The following NDST4 variants were observed in gnomAD, a reference collection of about 807,000 sequenced individuals.
NDST4 encodes the protein N-deacetylase and N-sulfotransferase 4.
NDST4 carries 63 observed loss-of-function variants against 100.8 expected under a neutral mutation model. The ratio of observed to expected loss-of-function variants is 0.62; its 90% CI spans 0.51 to 0.77. NDST4 has a LOEUF of 0.77. Ranked by LOEUF, NDST4 falls within the 30% of genes least tolerant of loss-of-function variation. The pLI is 0.00. For synonymous variants in NDST4, 377 were observed against 361.8 expected (o/e 1.04, Z -0.48); for missense variants, 943 against 1,018.4 (o/e 0.93, Z 1.01).
chr4:114,859,221 C>T (rs545985713), intron 7 of NDST4, among the ~76,000 whole-genome samples: 1 of 152,304 alleles, frequency 6.6e-6, no homozygotes, highest in Non-Finnish European at 1.5e-5. Context: ...ATCACTGCTG[C>T]TACTTCCTCC....
At chr4:114,919,058 C>G (rs1725236311) in intron 6 of NDST4, among the ~76,000 whole-genome samples, 2 of 152,126 alleles carry the variant, frequency 1.3e-5, no homozygotes, top group African/African-American at 4.8e-5. Flanking sequence ...AAACAATGAT[C>G]AATACAGAAT....
chr4:114,839,317 A>G, intron 11 of NDST4, 61 bp downstream of exon 11: 2 of 1,443,478 alleles, frequency 1.4e-6, no homozygotes, highest in South Asian at 1.4e-5. Flanking sequence ...ATTATAATAA[A>G]ATATAAAATT....
At chr4:114,834,620 T>G (rs930230595) in intron 11 of NDST4, among the ~76,000 whole-genome samples, 6 of 152,046 alleles carry the variant, frequency 3.9e-5, no homozygotes, top group African/African-American at 1.4e-4. Context: ...ATTAAAGTTA[T>G]GCTTTTTTTG....
At chr4:114,953,032 C>CTTTTTTTTTTTTT (rs546149508) in intron 4 of NDST4, among the ~76,000 whole-genome samples, 1 of 123,376 alleles carries the variant, frequency 8.1e-6, no homozygotes, top group African/African-American at 3.1e-5. Flanking sequence ...TTTTTTTTTT[C>CTTTTTTTTTTTTT]TTTTTTTTTT....
intron 6 of NDST4, among the ~76,000 whole-genome samples, chr4:114,933,511 A>G (rs1238071992): frequency 2.1e-5 from 3 of 143,160 alleles, no homozygotes; most frequent in Non-Finnish European, 4.5e-5. Flanking sequence ...ATGGGATTGC[A>G]TTAAGTCAAA....
intron 2 of NDST4, among the ~76,000 whole-genome samples, chr4:115,039,289 C>G (rs1728298448): frequency 6.6e-6 from 1 of 152,102 alleles, no homozygotes; most frequent in African/African-American, 2.4e-5. Context: ...GCACATCAAC[C>G]TTAGAAGAGC....
chr4:114,962,306 G>C (rs1726280538), intron 4 of NDST4, among the ~76,000 whole-genome samples: 1 of 135,568 alleles, frequency 7.4e-6, no homozygotes, highest in South Asian at 2.4e-4. Flanking sequence ...GTTACAGTCA[G>C]GACAATTAGA....
At chr4:114,830,629 T>G (rs567110569) in intron 12 of NDST4, among the ~76,000 whole-genome samples, 1 of 152,340 alleles carries the variant, frequency 6.6e-6, no homozygotes, top group Non-Finnish European at 1.5e-5. Flanking sequence ...GTAAGAATTT[T>G]TGTTTAGGAC....
intron 7 of NDST4, among the ~76,000 whole-genome samples, chr4:114,863,446 AG>A (rs1269062350): frequency 2.0e-5 from 3 of 152,238 alleles, no homozygotes; most frequent in African/African-American, 7.2e-5. Flanking sequence ...TGAAGGGTAA[AG>A]GATCTTCCCT....
At chr4:114,909,116 T>C (rs1349388559) in intron 6 of NDST4, among the ~76,000 whole-genome samples, 2 of 152,212 alleles carry the variant, frequency 1.3e-5, no homozygotes, top group African/African-American at 2.4e-5. Flanking sequence ...AATACATCTC[T>C]ACATTTATTA....
chr4:114,973,085 A>T (rs1470607939), intron 3 of NDST4, among the ~76,000 whole-genome samples: 1 of 152,086 alleles, frequency 6.6e-6, no homozygotes, highest in African/African-American at 2.4e-5. Context: ...CTTAATAAAA[A>T]ATATGATACT....
At chr4:114,831,742 T>C (rs1186174753) in intron 12 of NDST4, among the ~76,000 whole-genome samples, 1 of 152,206 alleles carries the variant, frequency 6.6e-6, no homozygotes, top group Non-Finnish European at 1.5e-5. Flanking sequence ...GTCATAACCT[T>C]GAATCTACAT....
intron 6 of NDST4, among the ~76,000 whole-genome samples, chr4:114,888,789 C>T (rs1404547606): frequency 6.6e-6 from 1 of 152,064 alleles, no homozygotes; most frequent in African/African-American, 2.4e-5. Context: ...TGACTCTGGC[C>T]ATAAGAAATA....
At chr4:115,110,619 C>T (rs556537425) in intron 1 of NDST4, among the ~76,000 whole-genome samples, 2 of 152,010 alleles carry the variant, frequency 1.3e-5, no homozygotes, top group South Asian at 2.1e-4. Flanking sequence ...CATTTCTGAT[C>T]TCTCTGCCTC....
chr4:114,869,624 T>C (rs2126196371), intron 7 of NDST4, among the ~76,000 whole-genome samples: 1 of 152,236 alleles, frequency 6.6e-6, no homozygotes, highest in African/African-American at 2.4e-5. Context: ...CTTATTGGGA[T>C]GGTAAATAGA....
intron 6 of NDST4, among the ~76,000 whole-genome samples, chr4:114,927,804 GA>G (rs1445594065): frequency 1.3e-5 from 2 of 152,002 alleles, no homozygotes; most frequent in Non-Finnish European, 2.9e-5. Flanking sequence ...ATGATTAATG[GA>G]AAAGGAAATC....
At position 114,984,819 on chromosome 4, in the gene NDST4, C is replaced by T. The variant is rs111230613; in HGVS notation, c.979-7545G>A. ...GTTGGGATTCCATAAACTTTTGCTT[C>T]GATACTATTTGTAAATTTACAATTG... On this transcript the variant is annotated intron_variant, in intron 2 of 13. Transcript: ENST00000264363. Among the ~76,000 whole-genome samples the T allele has an allele frequency of 7.4e-3, 1,118 of 152,102 alleles. 22 individuals carry two copies. Among genetic ancestry groups the T allele is most frequent in the African/African-American group, 0.025 (1,034 of 41,500 alleles).
intron 6 of NDST4, among the ~76,000 whole-genome samples, chr4:114,884,193 C>G (rs1278399761): frequency 6.6e-6 from 1 of 152,126 alleles, no homozygotes; most frequent in Non-Finnish European, 1.5e-5. Context: ...TATGCTCACA[C>G]ACACATAAGT....
chr4:114,966,922 TAC>T (rs970554211), intron 4 of NDST4, among the ~76,000 whole-genome samples: 6 of 152,112 alleles, frequency 3.9e-5, no homozygotes, highest in African/African-American at 1.4e-4. Flanking sequence ...AGCAAGTCAT[TAC>T]TATTTCGAGA....
Sources: allele counts gnomAD v4.1 joint callset (sites outside exome capture counted in the v4.1 genomes callset), GRCh38; gene constraint gnomAD v4.1.1; transcripts MANE v1.5; gene names NCBI Gene and HGNC (gene_info 2026-07-23, HGNC 2026-07-21).